Variants in STXBP5L observed in about 807,000 individuals in gnomAD.
The protein encoded by STXBP5L is syntaxin-binding protein 5-like.
STXBP5L carries 65 observed loss-of-function variants against 144.5 expected under a neutral mutation model. The ratio of observed to expected loss-of-function variants is 0.45; its 90% CI spans 0.37 to 0.55. The LOEUF is 0.55. Ranked by LOEUF, STXBP5L falls within the 20% of genes least tolerant of loss-of-function variation. The pLI is 0.00. For missense variants in STXBP5L, 1,298 were observed against 1,405.5 expected (o/e 0.92, Z 1.22); for synonymous variants, 505 against 469.6 (o/e 1.08, Z -0.97).
intron 8 of STXBP5L, among the ~76,000 whole-genome samples, chr3:121,156,407 T>C (rs1427678506): frequency 6.6e-6 from 1 of 152,012 alleles, no homozygotes; most frequent in Non-Finnish European, 1.5e-5. Flanking sequence ...TAAGTGTCTT[T>C]AAGGAAAAGA....
At chr3:121,153,304 A>C (rs1439672471) in intron 8 of STXBP5L, among the ~76,000 whole-genome samples, 1 of 152,084 alleles carries the variant, frequency 6.6e-6, no homozygotes, top group East Asian at 1.9e-4. Context: ...TGGGGGCAAC[A>C]GATTAAAAGG....
chr3:121,092,471 T>C (rs1198463045), intron 5 of STXBP5L, among the ~76,000 whole-genome samples: 1 of 152,194 alleles, frequency 6.6e-6, no homozygotes, highest in Non-Finnish European at 1.5e-5. Flanking sequence ...TAGTTCTCCT[T>C]GAAGAGGTCC....
intron 19 of STXBP5L, among the ~76,000 whole-genome samples, chr3:121,314,860 C>G (rs1238899745): frequency 6.6e-6 from 1 of 152,194 alleles, no homozygotes. Flanking sequence ...AAGACATTTA[C>G]ACAGCCAAAA....
chr3:120,997,340 G>A (rs1275515382), intron 3 of STXBP5L, among the ~76,000 whole-genome samples: 1 of 152,162 alleles, frequency 6.6e-6, no homozygotes, highest in Non-Finnish European at 1.5e-5. Flanking sequence ...TGATAGTTCT[G>A]TTTTAAGTTC....
intron 20 of STXBP5L, among the ~76,000 whole-genome samples, chr3:121,362,183 G>A (rs1432232035): frequency 6.6e-6 from 1 of 152,220 alleles, no homozygotes; most frequent in African/African-American, 2.4e-5. Context: ...TAAGCTGGGG[G>A]TGAAGTGACA....
At chr3:121,307,212 G>A (rs2043367014) in intron 19 of STXBP5L, among the ~76,000 whole-genome samples, 1 of 152,122 alleles carries the variant, frequency 6.6e-6, no homozygotes, top group Admixed American at 6.5e-5. Context: ...GTACCCAGAA[G>A]TGATACAATA....
At chr3:121,182,827 T>C (rs1041508742) in intron 9 of STXBP5L, among the ~76,000 whole-genome samples, 4 of 152,144 alleles carry the variant, frequency 2.6e-5, no homozygotes, top group African/African-American at 9.7e-5. Flanking sequence ...TTACAACCGA[T>C]ACCTTAGAAA....
At chr3:121,397,968 C>T (rs1174456742) in intron 22 of STXBP5L, among the ~76,000 whole-genome samples, 1 of 152,196 alleles carries the variant, frequency 6.6e-6, no homozygotes, top group Non-Finnish European at 1.5e-5. Context: ...AAATTTCTTT[C>T]CCTGAATAGT....
At chr3:121,073,066 CG>C (rs1487122118) in intron 5 of STXBP5L, among the ~76,000 whole-genome samples, 2 of 152,210 alleles carry the variant, frequency 1.3e-5, no homozygotes, top group African/African-American at 2.4e-5. Flanking sequence ...ACATCCAGCC[CG>C]TCTGACACCT....
At chr3:120,969,786 T>C (rs998456954) in intron 3 of STXBP5L, among the ~76,000 whole-genome samples, 3 of 151,986 alleles carry the variant, frequency 2.0e-5, no homozygotes, top group African/African-American at 7.2e-5. Flanking sequence ...AATTGAAGAC[T>C]TTTGTCCACT....
chr3:121,145,137 TTTG>T (rs976115309), intron 7 of STXBP5L, among the ~76,000 whole-genome samples: 2 of 151,804 alleles, frequency 1.3e-5, no homozygotes, highest in African/African-American at 4.8e-5. Context: ...TATTTATAAA[TTTG>T]TTAATAGGGT....
intron 9 of STXBP5L, among the ~76,000 whole-genome samples, chr3:121,179,938 A>G (rs1472545971): frequency 6.6e-6 from 1 of 152,194 alleles, no homozygotes; most frequent in Admixed American, 6.6e-5. Flanking sequence ...ATATAGGATC[A>G]TGTGAAATGG....
intron 5 of STXBP5L, among the ~76,000 whole-genome samples, chr3:121,091,851 A>G (rs1000501978): frequency 3.9e-5 from 6 of 152,140 alleles, no homozygotes; most frequent in Non-Finnish European, 8.8e-5. Flanking sequence ...GTCCTTGCCC[A>G]TGCCTATGTC....
intron 5 of STXBP5L, chr3:121,049,714 C>T (rs1326041306): frequency 6.5e-6 from 1 of 154,148 alleles, no homozygotes; most frequent in African/African-American, 2.4e-5. Context: ...GTCTACTGGG[C>T]CTAGTTACTC....
chr3:121,206,684 T>C (rs2048348078), intron 10 of STXBP5L, among the ~76,000 whole-genome samples: 1 of 151,990 alleles, frequency 6.6e-6, no homozygotes, highest in African/African-American at 2.4e-5. Flanking sequence ...CATGGTGGCA[T>C]GTGCCTGTAA....
At chr3:121,139,394 CAT>C (rs1336068697) in intron 7 of STXBP5L, among the ~76,000 whole-genome samples, 2 of 151,982 alleles carry the variant, frequency 1.3e-5, no homozygotes, top group East Asian at 1.9e-4. Flanking sequence ...AAGAATGACA[CAT>C]GTCAAATTTT....
At chr3:121,133,754 A>G (rs1448366884) in intron 7 of STXBP5L, among the ~76,000 whole-genome samples, 1 of 152,216 alleles carries the variant, frequency 6.6e-6, no homozygotes, top group Non-Finnish European at 1.5e-5. Flanking sequence ...TAATTGACTC[A>G]CAGTTCTGCA....
At chr3:121,260,435 G>A (rs2050346849) in intron 18 of STXBP5L, among the ~76,000 whole-genome samples, 2 of 151,750 alleles carry the variant, frequency 1.3e-5, no homozygotes, top group South Asian at 4.1e-4. Flanking sequence ...TATCTTTTAT[G>A]GCTCTGAATT....
At chr3:121,312,140 A>T (rs1361983436) in intron 19 of STXBP5L, among the ~76,000 whole-genome samples, 1 of 152,226 alleles carries the variant, frequency 6.6e-6, no homozygotes, top group South Asian at 2.1e-4. Context: ...GGCTAGCCAT[A>T]TGTAGAAAGC....
Sources: gnomAD v4.1 joint callset for allele counts (sites outside exome capture counted in the v4.1 genomes callset) on GRCh38, gnomAD v4.1.1 for gene constraint, MANE v1.5 for transcripts, NCBI Gene and HGNC (gene_info 2026-07-23, HGNC 2026-07-21) for gene names.